PAK3: variants seen among roughly 807,000 people sequenced by gnomAD.
PAK3 encodes the protein serine/threonine-protein kinase PAK 3.
A neutral mutation model predicts 41.0 loss-of-function variants in PAK3; 4 were observed. The ratio of observed to expected loss-of-function variants is 0.10; its 90% CI spans 0.05 to 0.22. PAK3 has a LOEUF of 0.22. Ranked by LOEUF, PAK3 falls within the 10% of genes least tolerant of loss-of-function variation. The pLI, the probability that PAK3 is intolerant of heterozygous loss-of-function variation, is 1.00. For missense variants in PAK3, 205 were observed against 409.9 expected, an observed-to-expected ratio of 0.50 and a Z score of 4.32; for synonymous variants, 146 against 139.6, an observed-to-expected ratio of 1.05 and a Z score of -0.32.
At chrX:111,041,252 A>T (rs1277031690) in intron 1 of PAK3, among the ~76,000 whole-genome samples, 1 of 112,891 alleles carries the variant, frequency 8.9e-6, no homozygotes, top group African/African-American at 3.2e-5. Context: ...TGGGGTCCAG[A>T]CAAGCCCTTG....
At chrX:111,216,979 T>C in intron 17 of PAK3, 1 of 750,564 alleles carries the variant, frequency 1.3e-6, no homozygotes, top group Non-Finnish European at 1.6e-6. Flanking sequence ...GCCCCTTTGC[T>C]TGTGATGCCA....
intron 1 of PAK3, among the ~76,000 whole-genome samples, chrX:111,078,413 T>C (rs770636410): frequency 9.9e-5 from 11 of 111,355 alleles, no homozygotes; most frequent in African/African-American, 3.3e-4. Flanking sequence ...ACTTTTTCAT[T>C]ATTCTTATAT....
intron 1 of PAK3, among the ~76,000 whole-genome samples, chrX:111,061,922 C>T (rs57174152): frequency 0.013 from 1,422 of 110,487 alleles, 31 homozygotes; most frequent in African/African-American, 0.045. Flanking sequence ...TCAAGGGATC[C>T]ACCTGCCTCA....
Position 111,012,716 on chromosome X carries a change from G to A in PAK3, c.-28+68088G>A, listed in dbSNP as rs754923306. 2.7e-5 allele frequency among the ~76,000 whole-genome samples: 3 copies of A among 112,302 alleles called. No individual in the cohort carries two copies. The South Asian group carries it at 1.1e-3, about 42-fold the overall frequency. On this transcript the variant is annotated intron_variant, in intron 1 of 14. Transcript: ENST00000425146. ...TGCTTTTAAGTATCAAGGACATGGT[G>A]GGTACATGGGGGTTCACTGTAAAAT...
intron 1 of PAK3, among the ~76,000 whole-genome samples, chrX:111,079,006 G>C (rs1603134875): frequency 8.9e-6 from 1 of 112,095 alleles, no homozygotes; most frequent in East Asian, 2.8e-4. Flanking sequence ...AGAGAGGTTA[G>C]TAAAGTGCCA....
chrX:111,135,985 TTGG>T (rs1465740598), intron 5 of PAK3, among the ~76,000 whole-genome samples: 2 of 110,915 alleles, frequency 1.8e-5, no homozygotes, highest in Non-Finnish European at 3.8e-5. Flanking sequence ...TAGAGCATAA[TTGG>T]TGGATTCACT....
At chrX:111,141,194 C>T (rs1195174968) in intron 5 of PAK3, among the ~76,000 whole-genome samples, 1 of 111,624 alleles carries the variant, frequency 9.0e-6, no homozygotes, top group Non-Finnish European at 1.9e-5. Flanking sequence ...CAGTGACTTC[C>T]TCCTGGGAAC....
chrX:111,058,091 T>A (rs1320709229), intron 1 of PAK3, among the ~76,000 whole-genome samples: 1 of 112,207 alleles, frequency 8.9e-6, no homozygotes, highest in Non-Finnish European at 1.9e-5. Flanking sequence ...TTGATGGACA[T>A]TTGGGTTGTT....
chrX:111,214,089 T>C (rs889672129), intron 16 of PAK3, among the ~76,000 whole-genome samples: 1 of 111,740 alleles, frequency 8.9e-6, no homozygotes, highest in African/African-American at 3.3e-5. Context: ...GGGATGTATT[T>C]ACATGTGGGT....
intron 5 of PAK3, among the ~76,000 whole-genome samples, chrX:111,130,731 A>G (rs1199830505): frequency 2.7e-5 from 3 of 112,182 alleles, no homozygotes; most frequent in Non-Finnish European, 3.8e-5. Context: ...CACTCATAAG[A>G]TGAAAGTGCT....
At chrX:111,100,390 A>G (rs763559678) in intron 3 of PAK3, among the ~76,000 whole-genome samples, 1 of 111,305 alleles carries the variant, frequency 9.0e-6, no homozygotes, top group South Asian at 3.8e-4. Flanking sequence ...TAATGGGGAC[A>G]ATTTTAAGAG....
intron 4 of PAK3, among the ~76,000 whole-genome samples, chrX:111,118,297 A>G (rs1401015132): frequency 1.8e-5 from 2 of 111,367 alleles, no homozygotes; most frequent in Non-Finnish European, 3.8e-5. Flanking sequence ...AGCATAGGCT[A>G]GTTAGCAAAG....
At chrX:110,986,031 A>G (rs1010014003) in intron 1 of PAK3, among the ~76,000 whole-genome samples, 3 of 111,803 alleles carry the variant, frequency 2.7e-5, no homozygotes, top group African/African-American at 9.8e-5. Flanking sequence ...AGCTGCAGTG[A>G]GTGTAGGTCT....
intron 11 of PAK3, among the ~76,000 whole-genome samples, chrX:111,181,173 G>A (rs181851020): frequency 5.4e-5 from 6 of 111,904 alleles, no homozygotes; most frequent in Non-Finnish European, 1.9e-5. Flanking sequence ...AAAACAAAAG[G>A]CTATCCTGAA....
intron 5 of PAK3, among the ~76,000 whole-genome samples, chrX:111,127,596 T>C (rs766679146): frequency 1.2e-4 from 13 of 111,391 alleles, no homozygotes; most frequent in Admixed American, 1.0e-3. Context: ...TTTTCAGGAT[T>C]TAGACCAGGA....
Position 111,195,948 on chromosome X carries a change from AT to A in PAK3, c.1210+11del, listed in dbSNP as rs748825756. On this transcript the variant is annotated splice_region_variant and intron_variant, in intron 15 of 17. Transcript: ENST00000372007. ...GATGGCTCTGTTAAATTGAGTAGGT[AT>A]TTTGGTTCAGGTGGTATTAGAGTAT... 4.1e-6 allele frequency: 4 copies of A among 986,153 alleles called. No individual in the cohort carries two copies. The Admixed American group carries it at 6.6e-5, about 16-fold the overall frequency. 81.3% of individuals were successfully genotyped at this position (986,153 alleles called of 1,213,427 possible).
chrX:111,082,812 A>T (rs1214338510), intron 1 of PAK3, among the ~76,000 whole-genome samples: 2 of 111,412 alleles, frequency 1.8e-5, no homozygotes, highest in Non-Finnish European at 3.8e-5. Context: ...AACTGATGAT[A>T]TTCTCCTGTA....
At chrX:111,099,406 C>G (rs950459200) in intron 3 of PAK3, among the ~76,000 whole-genome samples, 14 of 111,186 alleles carry the variant, frequency 1.3e-4, no homozygotes, top group Admixed American at 5.7e-4. Flanking sequence ...GGTGCAGCTA[C>G]AGCTGGGTCT....
At position 111,036,623 on chromosome X, in the gene PAK3, T is replaced by C. The variant is rs999579075; in HGVS notation, c.-27-86454T>C. ...TCCTGCTCTTGACATGTGGAGATTATTATATCAAGGTGAGATTTGGGTGGG... is the reference window on the plus strand; with the variant it reads ...TCCTGCTCTTGACATGTGGAGATTACTATATCAAGGTGAGATTTGGGTGGG... On this transcript the variant is annotated intron_variant, in intron 1 of 14. Coordinates refer to the PAK3 transcript ENST00000425146. Among the ~76,000 whole-genome samples the C allele has an allele frequency of 2.7e-5, 3 of 112,271 alleles. No homozygotes were observed. The Admixed American group carries it at 2.8e-4, about 11-fold the overall frequency.
Sources: gnomAD v4.1 joint callset for allele counts (sites outside exome capture counted in the v4.1 genomes callset) on GRCh38, gnomAD v4.1.1 for gene constraint, MANE v1.5 for transcripts, NCBI Gene and HGNC (gene_info 2026-07-23, HGNC 2026-07-21) for gene names.